The following CYP3A7 variants were observed in gnomAD, a reference collection of about 807,000 sequenced individuals.
The protein encoded by CYP3A7 is cytochrome P450 3A7.
Under a neutral mutation model 55.2 loss-of-function variants are expected in CYP3A7, and 45 were observed. The ratio of observed to expected loss-of-function variants is 0.82; its 90% CI spans 0.64 to 1.05. CYP3A7 has a LOEUF of 1.05. Ranked by LOEUF, CYP3A7 falls within the 50% of genes least tolerant of loss-of-function variation. The pLI, the probability that CYP3A7 is intolerant of heterozygous loss-of-function variation, is 0.00. For synonymous variants in CYP3A7, 180 were observed against 207.4 expected (o/e 0.87, Z 1.13); for missense variants, 548 against 605.3 (o/e 0.91, Z 0.99).
chr7:99,728,266 T>C (rs1006669954), intron 2 of CYP3A7, among the ~76,000 whole-genome samples: 1 of 152,182 alleles, frequency 6.6e-6, no homozygotes, highest in Non-Finnish European at 1.5e-5. Flanking sequence ...CTCCTAGAAC[T>C]TCTCATTTCC....
At chr7:99,720,442 A>C in intron 3 of CYP3A7, 30 bp from the exon 4 acceptor site, 2 of 1,612,282 alleles carry the variant, frequency 1.2e-6, no homozygotes, top group South Asian at 1.1e-5. Flanking sequence ...TTGATTAAAC[A>C]TCAACAGCCT....
intron 3 of CYP3A7, among the ~76,000 whole-genome samples, 195 bp downstream of exon 3, chr7:99,722,101 T>C (rs145481112): frequency 1.3e-5 from 2 of 152,316 alleles, no homozygotes; most frequent in African/African-American, 2.4e-5. Flanking sequence ...ACATAGCTTA[T>C]AATGGCACAC....
At chr7:99,713,362 A>C in intron 9 of CYP3A7, 107 bp downstream of exon 9, 1 of 1,530,436 alleles carries the variant, frequency 6.5e-7, no homozygotes, top group Non-Finnish European at 9.0e-7. Context: ...TCATTCTGCT[A>C]TGTGGCAGAA....
chr7:99,713,588 A>T, intron 8 of CYP3A7, 53 bp from the exon 9 acceptor site: 1 of 1,611,478 alleles, frequency 6.2e-7, no homozygotes, highest in Non-Finnish European at 8.5e-7. Flanking sequence ...TGAAGTCAGA[A>T]GTTAATCAGA....
intron 1 of CYP3A7, among the ~76,000 whole-genome samples, chr7:99,732,230 G>A (rs1814654444): frequency 6.6e-6 from 1 of 152,120 alleles, no homozygotes; most frequent in Admixed American, 6.5e-5. Flanking sequence ...TCTTGCTTCT[G>A]CTCCAGTCAT....
intron 2 of CYP3A7, among the ~76,000 whole-genome samples, chr7:99,726,227 C>T (rs1266102876): frequency 6.6e-6 from 1 of 152,136 alleles, no homozygotes; most frequent in Non-Finnish European, 1.5e-5. Context: ...CCATTAAAGC[C>T]TAATCACCCT....
At position 99,708,129 on chromosome 7, in the gene CYP3A7, T is replaced by C. The variant is rs533652149; in HGVS notation, c.1254-155A>G. On this transcript the variant is annotated intron_variant, in intron 11 of 12. Transcript: ENST00000336374. ...TGAAATCCTGCTATGCATATTTTGC[T>C]ATGAGAATTGTAAGGTACAGATCCT... Among the ~76,000 whole-genome samples the C allele has an allele frequency of 1.1e-4, 16 of 152,366 alleles. No individual in the cohort carries two copies. In the South Asian group the frequency reaches 3.3e-3, roughly 32 times the overall value.
intron 2 of CYP3A7, among the ~76,000 whole-genome samples, chr7:99,723,777 CCCTT>C (rs1228352489): frequency 1.3e-5 from 2 of 152,310 alleles, no homozygotes; most frequent in East Asian, 1.9e-4. Flanking sequence ...TTCAATCTCT[CCCTT>C]CCTTAATTTC....
intron 1 of CYP3A7, 37 bp from the exon 2 acceptor site, chr7:99,731,189 T>C (rs1003136725): frequency 6.2e-6 from 10 of 1,612,136 alleles, no homozygotes; most frequent in Non-Finnish European, 7.6e-6. Context: ...TCAGGGATTG[T>C]GACTTTATAG....
intron 2 of CYP3A7, among the ~76,000 whole-genome samples, chr7:99,724,415 A>G (rs1814327978): frequency 1.3e-5 from 2 of 152,142 alleles, no homozygotes; most frequent in Admixed American, 1.3e-4. Flanking sequence ...ATTCTTTTAT[A>G]CATCAGTCTC....
At chr7:99,730,795 CA>C (rs1417074726) in intron 2 of CYP3A7, 2 of 438,460 alleles carry the variant, frequency 4.6e-6, no homozygotes, top group African/African-American at 4.0e-5. Flanking sequence ...ATGGTGCTCA[CA>C]AAGTCTGCAC....
Position 99,714,575 on chromosome 7 carries a change from G to T in CYP3A7, c.778C>A (p.Arg260Ser). 1 of 1,612,528 alleles carries T rather than the reference G, an allele frequency of 6.2e-7. No homozygotes were observed. The highest frequency in any genetic ancestry group is 1.1e-5 in the South Asian group (1 of 90,978). The stretch of plus-strand genomic sequence containing the variant: ...TTTACCTTTTGTGTCTCTTTGAGGC[G>T]ACCTTCTTTTATCTGTTTTACAGAT... The part of the protein sequence containing the change: ...TKSVKQIKEG[R>S]LKETQKHRVD... The change falls in exon 8 of 13, where the codon CGC becomes AGC. Residue 260 changes from arginine to serine, a missense_variant. Physicochemically the swap from Arg to Ser is moderately radical, Grantham distance 110. Coordinates refer to ENST00000336374, the MANE Select transcript of CYP3A7 (RefSeq NM_000765.5).
At chr7:99,719,740 G>A (rs953810255) in intron 4 of CYP3A7, among the ~76,000 whole-genome samples, 1 of 152,132 alleles carries the variant, frequency 6.6e-6, no homozygotes, top group Non-Finnish European at 1.5e-5. Context: ...TGATCATGCT[G>A]GTCATTGCAC....
rs774190049 is a variant in CYP3A7, at chr7:99,709,025, G to A, written c.1253+10C>T. 14 of 1,613,716 alleles carry A rather than the reference G, an allele frequency of 8.7e-6. No individual in the cohort carries two copies. The South Asian group carries it at 1.3e-4, about 15-fold the overall frequency. On this transcript the variant is annotated intron_variant, in intron 11 of 12. Transcript: ENST00000336374. ...GTTCAGGGAGGGCTCCCTTCCCAGGGGCCTCCTACCTTTCAGGGAGGAACT... is the reference window on the plus strand; with the variant it reads ...GTTCAGGGAGGGCTCCCTTCCCAGGAGCCTCCTACCTTTCAGGGAGGAACT...
In CYP3A7 at chr7:99,717,212, C is replaced by T; in HGVS notation, c.486G>A (p.Arg162=). 6.2e-7 allele frequency: 1 copy of T among 1,613,942 alleles called. No individual in the cohort carries two copies. Among genetic ancestry groups the T allele is most frequent in the Non-Finnish European group, 8.5e-7 (1 of 1,179,848 alleles). The stretch of plus-strand genomic sequence containing the variant: ...TGACAGGCTTGCCTGTCTCTGCTTC[C>T]CGCCTCAGATTTCTCACCAACACAT... ...YGDVLVRNLR[R]EAETGKPVTL... The change falls in exon 6 of 13, where the codon CGG becomes CGA. Residue 162 remains arginine (R), a synonymous_variant. Transcript: ENST00000336374.
In CYP3A7 at chr7:99,717,209, T is replaced by C. The variant is rs1216631467; in HGVS notation, c.489A>G (p.Glu163=). 1 of 1,613,934 alleles carries C rather than the reference T, an allele frequency of 6.2e-7. No homozygotes were observed. The part of the protein sequence containing the change: ...GDVLVRNLRR[E]AETGKPVTLK... ...AGGTGACAGGCTTGCCTGTCTCTGC[T>C]TCCCGCCTCAGATTTCTCACCAACA... Residue 163 remains glutamate (E), a synonymous_variant, in exon 6 of 13, where the codon GAA becomes GAG. Coordinates refer to ENST00000336374, the MANE Select transcript of CYP3A7 (RefSeq NM_000765.5).
chr7:99,714,785 T>C (rs1169123186), intron 7 of CYP3A7, 103 bp from the exon 8 acceptor site: 1 of 1,542,478 alleles, frequency 6.5e-7, no homozygotes, highest in Non-Finnish European at 8.7e-7. Context: ...GTGAAATACA[T>C]CAGTGTTCTC....
At position 99,717,100 on chromosome 7, in the gene CYP3A7, C is replaced by G. The variant is rs879062534; in HGVS notation, c.521+77G>C. The G allele has an allele frequency of 3.1e-6, 5 of 1,590,484 alleles. No homozygotes were observed. The African/African-American group carries it at 6.7e-5, about 21-fold the overall frequency. ...TCTGGTCACTGGAATAACCCAACAG[C>G]GGGAGTATCAGCTCCATAGCAGGCA... is the stretch of plus-strand genomic sequence containing the variant. On this transcript the variant is annotated intron_variant, in intron 6 of 12. Transcript: ENST00000336374.
intron 4 of CYP3A7, among the ~76,000 whole-genome samples, chr7:99,718,114 G>A (rs1387196240): frequency 2.0e-5 from 3 of 152,048 alleles, no homozygotes; most frequent in Admixed American, 1.3e-4. Context: ...ACACACTGGG[G>A]CCTGTTGTGG....
Sources: gnomAD v4.1 joint callset for allele counts (sites outside exome capture counted in the v4.1 genomes callset) on GRCh38, gnomAD v4.1.1 for gene constraint, MANE v1.5 for transcripts, NCBI Gene and HGNC (gene_info 2026-07-23, HGNC 2026-07-21) for gene names.